PAXIP1: variants seen among roughly 807,000 people sequenced by gnomAD.
The protein encoded by PAXIP1 is PAX-interacting protein 1.
A neutral mutation model predicts 140.6 loss-of-function variants in PAXIP1; 19 were observed. The ratio of observed to expected loss-of-function variants is 0.14; its 90% CI spans 0.09 to 0.20. PAXIP1 has a LOEUF of 0.20. Ranked by LOEUF, PAXIP1 falls within the 10% of genes least tolerant of loss-of-function variation. PAXIP1 has a pLI of 1.00. For synonymous variants in PAXIP1, 442 were observed against 444.6 expected (o/e 0.99, Z 0.07); for missense variants, 920 against 1,208.6 (o/e 0.76, Z 3.54).
chr7:155,001,097 T>C (rs573333436), intron 1 of PAXIP1: 10 of 152,366 alleles, frequency 6.6e-5, no homozygotes, highest in African/African-American at 2.2e-4. Flanking sequence ...TGTGAACTTA[T>C]AATCCACAGT....
At chr7:154,995,000 C>T (rs986124968) in intron 2 of PAXIP1, among the ~76,000 whole-genome samples, 5 of 152,186 alleles carry the variant, frequency 3.3e-5, no homozygotes, top group Admixed American at 2.0e-4. Context: ...TTGGCCTTGA[C>T]ACTTCTGAAT....
rs1808424266 is a variant in PAXIP1, at chr7:154,954,529, A to G, written c.2653-106T>C. On this transcript the variant is annotated intron_variant, in intron 15 of 20. Coordinates refer to ENST00000404141, the MANE Select transcript of PAXIP1 (RefSeq NM_007349.4). This position sits in a 1 kb window ranked among gnomAD's most constrained non-coding sequence, Gnocchi z 5.1. The stretch of plus-strand genomic sequence containing the variant: ...TATCTACCTAAAGACAAGGTTTATG[A>G]CTGTAATTCTCAGCCACAGAAAACA... 2.9e-6 allele frequency: 2 copies of G among 695,496 alleles called. No individual in the cohort carries two copies. The highest frequency in any genetic ancestry group is 8.6e-5 in the Admixed American group (2 of 23,292). 43.1% of individuals were successfully genotyped at this position (695,496 alleles called of 1,614,324 possible).
At chr7:154,975,523 TACACACACAC>T (rs35537788) in intron 6 of PAXIP1, among the ~76,000 whole-genome samples, 163 bp downstream of exon 6, 6,164 of 150,304 alleles carry the variant, frequency 0.041, 361 homozygotes, top group African/African-American at 0.13. Context: ...TATATACACA[TACACACACAC>T]ACACACACAC....
At chr7:154,996,555 G>C (rs571520039) in intron 2 of PAXIP1, among the ~76,000 whole-genome samples, 1 of 152,288 alleles carries the variant, frequency 6.6e-6, no homozygotes, top group African/African-American at 2.4e-5. Context: ...GCTTTGTTTA[G>C]CTCAGGAATT....
chr7:154,995,506 AAAAGC>A (rs1810542258), intron 2 of PAXIP1, among the ~76,000 whole-genome samples: 1 of 152,236 alleles, frequency 6.6e-6, no homozygotes, highest in African/African-American at 2.4e-5. Flanking sequence ...GGAGAACTAC[AAAAGC>A]AAAGTGATAA....
In PAXIP1 at chr7:154,976,337, AG is replaced by A; in HGVS notation, c.439-7del. The A allele has an allele frequency of 6.4e-7, 1 of 1,558,464 alleles. No individual in the cohort carries two copies. The highest frequency in any genetic ancestry group is 1.2e-5 in the South Asian group (1 of 81,628). On this transcript the variant is annotated splice_region_variant and splice_polypyrimidine_tract_variant and intron_variant, in intron 5 of 20. Transcript: ENST00000404141. The stretch of plus-strand genomic sequence containing the variant: ...AAAGCACATTCGTATTTCTCCTACG[AG>A]GAAAGCAGAAACACACACAAAACAA...
chr7:154,955,920 TA>T (rs1210139984), intron 14 of PAXIP1, among the ~76,000 whole-genome samples: 1 of 152,242 alleles, frequency 6.6e-6, no homozygotes, highest in Non-Finnish European at 1.5e-5. Context: ...TTAATTTTTT[TA>T]ATTGGCTTTC....
intron 4 of PAXIP1, among the ~76,000 whole-genome samples, chr7:154,989,391 A>G (rs1469935314): frequency 6.6e-6 from 1 of 152,202 alleles, no homozygotes; most frequent in East Asian, 1.9e-4. Flanking sequence ...CATCTTACCT[A>G]ATAACTTGAA....
chr7:154,955,558 C>T lies in PAXIP1; in HGVS notation c.2623G>A (p.Glu875Lys), dbSNP rs1448154373. 2.5e-6 allele frequency: 4 copies of T among 1,609,764 alleles called. No homozygotes were observed. The highest frequency in any genetic ancestry group is 2.2e-5 in the East Asian group (1 of 44,694). ...ATATACTGTTGAACCTGGACAGGCTCGAATCCAGTGAAAAGCACAAAAGGG... is the reference window on the plus strand; with the variant it reads ...ATATACTGTTGAACCTGGACAGGCTTGAATCCAGTGAAAAGCACAAAAGGG... ...LTPFVLFTGF[E>K]PVQVQQYIKK... The change falls in exon 15 of 21, where the codon GAG (glutamate) becomes AAG (lysine). Residue 875 changes from glutamate (E) to lysine (K), a missense_variant. Glu to Lys is a moderately conservative substitution (Grantham distance 56). This residue lies in a region of PAXIP1 where 303 missense variants were observed against 517.9 expected (regional missense o/e 0.59). Coordinates refer to ENST00000404141, the MANE Select transcript of PAXIP1 (RefSeq NM_007349.4).
intron 16 of PAXIP1, among the ~76,000 whole-genome samples, chr7:154,952,706 A>T (rs1476589696): frequency 6.6e-6 from 1 of 152,168 alleles, no homozygotes; most frequent in Non-Finnish European, 1.5e-5. Flanking sequence ...GGCGCTCAGG[A>T]ACCTAACCCC....
At chr7:154,991,876 A>G (rs1456065653) in intron 3 of PAXIP1, among the ~76,000 whole-genome samples, 4 of 152,194 alleles carry the variant, frequency 2.6e-5, no homozygotes, top group African/African-American at 4.8e-5. Context: ...ACTGATTGAG[A>G]TAGGTGAATC....
At chr7:154,978,929 G>T (rs533980210) in intron 5 of PAXIP1, among the ~76,000 whole-genome samples, 78 of 152,194 alleles carry the variant, frequency 5.1e-4, no homozygotes, top group African/African-American at 1.9e-3. Flanking sequence ...TAGAATGCTG[G>T]CATTTCACAT....
At position 155,003,018 on chromosome 7, in the gene PAXIP1, G is replaced by T; in HGVS notation, c.-89C>A. The T allele has an allele frequency of 2.8e-6, 1 of 351,826 alleles. No individual in the cohort carries two copies. The highest frequency in any genetic ancestry group is 3.3e-6 in the Non-Finnish European group (1 of 303,836). The allele number at this position is 351,826 out of a possible 1,614,324, so 21.8% of individuals were successfully genotyped here. A position where few individuals can be genotyped will look rare whatever the true frequency, so the allele number is the denominator to read the frequency against. ...CCCGCGGCGCCCGGCGCCCCCACTC[G>T]CCCCGCCAACGGCCCTGCCCGCGCA... On this transcript the variant is annotated 5_prime_UTR_variant, in exon 1 of 21. Coordinates refer to ENST00000404141, the MANE Select transcript of PAXIP1 (RefSeq NM_007349.4).
chr7:154,954,478 C>A lies in PAXIP1; in HGVS notation c.2653-55G>T. The A allele has an allele frequency of 7.9e-7, 1 of 1,263,804 alleles. No individual in the cohort carries two copies. Among genetic ancestry groups the A allele is most frequent in the Non-Finnish European group, 1.1e-6 (1 of 940,868 alleles). The allele number at this position is 1,263,804 out of a possible 1,614,324, so 78.3% of individuals were successfully genotyped here. On this transcript the variant is annotated intron_variant, in intron 15 of 20. Transcript: ENST00000404141. This position sits in a 1 kb window ranked among gnomAD's most constrained non-coding sequence, Gnocchi z 5.1. ...AAAAAGTTCAGCATCCACAGAGCCACACTGACACAGAGTAACACAGAGGAA... is the reference window on the plus strand; with the variant it reads ...AAAAAGTTCAGCATCCACAGAGCCAAACTGACACAGAGTAACACAGAGGAA...
intron 4 of PAXIP1, among the ~76,000 whole-genome samples, chr7:154,987,863 C>A (rs1191044120): frequency 6.6e-6 from 1 of 152,156 alleles, no homozygotes. Context: ...TATCTGCTAC[C>A]CTGAATCCCA....
At chr7:154,951,779 G>A (rs1808281771) in intron 16 of PAXIP1, 1 of 152,258 alleles carries the variant, frequency 6.6e-6, no homozygotes, top group South Asian at 2.1e-4. Flanking sequence ...TTGGCTGCTT[G>A]GCAAACTAAT....
chr7:154,972,399 G>C (rs1467178371), intron 6 of PAXIP1, among the ~76,000 whole-genome samples: 2 of 152,220 alleles, frequency 1.3e-5, no homozygotes, highest in African/African-American at 4.8e-5. Flanking sequence ...TGAGGCAAGA[G>C]AATCGCCTAA....
chr7:154,986,292 G>C lies in PAXIP1; in HGVS notation c.325-2960C>G. On this transcript the variant is annotated intron_variant, in intron 4 of 20. Coordinates refer to ENST00000404141, the MANE Select transcript of PAXIP1 (RefSeq NM_007349.4). The surrounding 1 kb of genome is among the most constrained non-coding windows in gnomAD (Gnocchi z 4.8). ...AGTGTGTGTGCGCATGGGTGCTCCAGTGTGCAGAAAAGGTGCAGATCCCTC... is the reference window on the plus strand; with the variant it reads ...AGTGTGTGTGCGCATGGGTGCTCCACTGTGCAGAAAAGGTGCAGATCCCTC... The C allele has an allele frequency of 3.2e-6, 2 of 629,406 alleles. No homozygotes were observed. Among genetic ancestry groups the C allele is most frequent in the Non-Finnish European group, 4.7e-6 (2 of 422,590 alleles). 39.0% of individuals were successfully genotyped at this position (629,406 alleles called of 1,614,324 possible).
At chr7:154,987,150 A>G (rs1370569961) in intron 4 of PAXIP1, among the ~76,000 whole-genome samples, 1 of 152,144 alleles carries the variant, frequency 6.6e-6, no homozygotes, top group African/African-American at 2.4e-5. Context: ...TACACTGGTG[A>G]CTTCTCAGCT....
Sources: gnomAD v4.1 joint callset for allele counts (sites outside exome capture counted in the v4.1 genomes callset) on GRCh38, gnomAD v4.1.1 for gene constraint, gnomAD v4.1.1 regional missense constraint, Gnocchi (gnomAD v3.1) non-coding constraint, MANE v1.5 for transcripts, NCBI Gene and HGNC (gene_info 2026-07-23, HGNC 2026-07-21) for gene names.